Variants in NBEA observed in about 807,000 individuals in gnomAD.
NBEA encodes neurobeachin.
NBEA carries 44 observed loss-of-function variants against 343.4 expected under a neutral mutation model. The observed-to-expected ratio is 0.13, with a 90% CI of 0.10 to 0.16. The LOEUF is 0.16. Ranked by LOEUF, NBEA falls within the 10% of genes least tolerant of loss-of-function variation. The pLI, the probability that NBEA is intolerant of heterozygous loss-of-function variation, is 1.00. For synonymous variants in NBEA, 1,175 were observed against 1,238.7 expected (o/e 0.95, Z 1.08); for missense variants, 2,555 against 3,631.3 (o/e 0.70, Z 7.62).
intron 34 of NBEA, among the ~76,000 whole-genome samples, chr13:35,240,946 A>G (rs917208694): frequency 2.0e-5 from 3 of 151,792 alleles, no homozygotes; most frequent in Non-Finnish European, 4.4e-5. Flanking sequence ...AAATATTTTA[A>G]TGTTCTCTGG....
chr13:35,132,745 C>A (rs142324774), intron 17 of NBEA, among the ~76,000 whole-genome samples: 3,073 of 152,098 alleles, frequency 0.02, 98 homozygotes, highest in African/African-American at 0.066. Context: ...GAATTAACTG[C>A]CAGTGGGCAC....
chr13:35,408,576 G>T (rs2043403761), intron 38 of NBEA, among the ~76,000 whole-genome samples: 1 of 152,150 alleles, frequency 6.6e-6, no homozygotes, highest in Admixed American at 6.5e-5. Context: ...ACAACTTACA[G>T]AATGGAAGAA....
intron 41 of NBEA, among the ~76,000 whole-genome samples, chr13:35,547,065 T>A (rs1463295207): frequency 6.6e-6 from 1 of 152,224 alleles, no homozygotes; most frequent in Non-Finnish European, 1.5e-5. Context: ...AACATCGTCT[T>A]TCATCAGCCC....
At chr13:35,113,593 C>CTATCT (rs1236504016) in intron 13 of NBEA, among the ~76,000 whole-genome samples, 5 of 150,192 alleles carry the variant, frequency 3.3e-5, no homozygotes, top group Non-Finnish European at 7.4e-5. Flanking sequence ...ACTCATCTAT[C>CTATCT]TATCTATCTA....
chr13:35,104,762 G>A (rs1307152762), intron 11 of NBEA, among the ~76,000 whole-genome samples: 7 of 151,770 alleles, frequency 4.6e-5, no homozygotes, highest in Non-Finnish European at 1.0e-4. Flanking sequence ...ACTGTTCCAC[G>A]AAAAAATTTT....
intron 40 of NBEA, among the ~76,000 whole-genome samples, chr13:35,470,181 G>A (rs529645342): frequency 1.3e-5 from 2 of 152,288 alleles, no homozygotes; most frequent in East Asian, 1.9e-4. Context: ...AGACCAGTTC[G>A]AAGCCCTTTT....
chr13:35,302,404 G>A (rs2036614177), intron 35 of NBEA, among the ~76,000 whole-genome samples: 2 of 152,134 alleles, frequency 1.3e-5, no homozygotes, highest in East Asian at 3.9e-4. Context: ...TGTTCATGTA[G>A]TTAACAGACA....
rs77199171 is a variant in NBEA, at chr13:35,657,220, A to G, written c.8362+1471A>G. On this transcript the variant is annotated intron_variant, in intron 55 of 58. Transcript: ENST00000379939. Reference sequence around the variant, plus strand: ...AGTTTTATTCCTGTTGCCCATAGCTAGAGTTGAACAGTGGATGAAGAAACT... The same window carrying G: ...AGTTTTATTCCTGTTGCCCATAGCTGGAGTTGAACAGTGGATGAAGAAACT... 9.3e-3 allele frequency among the ~76,000 whole-genome samples: 1,422 copies of G among 152,344 alleles called. 19 individuals carry two copies. Among genetic ancestry groups the G allele is most frequent in the African/African-American group, 0.033 (1,357 of 41,590 alleles).
chr13:34,954,767 G>A (rs1176656923), intron 1 of NBEA, among the ~76,000 whole-genome samples: 2 of 152,118 alleles, frequency 1.3e-5, no homozygotes, highest in Admixed American at 6.5e-5. Flanking sequence ...ACCTAATGCA[G>A]TGTAAATGCT....
intron 50 of NBEA, 64 bp from the exon 51 acceptor site, chr13:35,646,195 A>T (rs1317880543): frequency 1.6e-6 from 2 of 1,253,682 alleles, no homozygotes; most frequent in African/African-American, 3.0e-5. Context: ...GCGTTGTCAA[A>T]GAGTGTGTTG....
chr13:35,607,573 T>C (rs1593352791), intron 48 of NBEA, among the ~76,000 whole-genome samples: 1 of 152,180 alleles, frequency 6.6e-6, no homozygotes, highest in Admixed American at 6.5e-5. Context: ...TTTCATTCAC[T>C]CCCAAGTTTT....
Position 34,943,128 on chromosome 13 carries a change from G to A in NBEA, c.294+14G>A. On this transcript the variant is annotated intron_variant, in intron 1 of 58. Coordinates refer to ENST00000379939, the MANE Select transcript of NBEA (RefSeq NM_001385012.1). The stretch of plus-strand genomic sequence containing the variant: ...GTGCTCAACCTGGTAAGGAAAAGGC[G>A]TGCTCTCAATCTGCTTCCCCAGTCC... 2 of 1,612,460 alleles carry A rather than the reference G, an allele frequency of 1.2e-6. No individual in the cohort carries two copies. Among genetic ancestry groups the A allele is most frequent in the South Asian group, 1.1e-5 (1 of 91,052 alleles).
chr13:35,315,855 C>G (rs2037678528), intron 36 of NBEA, among the ~76,000 whole-genome samples: 1 of 151,900 alleles, frequency 6.6e-6, no homozygotes, highest in Admixed American at 6.6e-5. Flanking sequence ...ATATTTTAAC[C>G]AACAAGCATT....
intron 34 of NBEA, among the ~76,000 whole-genome samples, chr13:35,274,681 C>A (rs1287395798): frequency 1.3e-5 from 2 of 152,174 alleles, no homozygotes; most frequent in South Asian, 2.1e-4. Context: ...GGTACAAAAT[C>A]AATGTGCAAA....
intron 1 of NBEA, among the ~76,000 whole-genome samples, chr13:34,943,634 C>CATCT: frequency 6.6e-6 from 1 of 152,292 alleles, no homozygotes; most frequent in East Asian, 1.9e-4. Flanking sequence ...TGCAGTTTTG[C>CATCT]ATCTGTCTTT....
At chr13:35,131,475 T>A (rs1333722602) in intron 17 of NBEA, among the ~76,000 whole-genome samples, 1 of 152,092 alleles carries the variant, frequency 6.6e-6, no homozygotes, top group Non-Finnish European at 1.5e-5. Context: ...GTGCAAAAAA[T>A]TTTCATAAAA....
chr13:35,323,516 G>A (rs2038318162), intron 36 of NBEA, among the ~76,000 whole-genome samples: 2 of 146,564 alleles, frequency 1.4e-5, no homozygotes, highest in South Asian at 2.2e-4. Flanking sequence ...ATTGAACAAT[G>A]AGAACACATG....
At chr13:34,980,005 T>C (rs1232174097) in intron 1 of NBEA, among the ~76,000 whole-genome samples, 1 of 152,196 alleles carries the variant, frequency 6.6e-6, no homozygotes, top group Non-Finnish European at 1.5e-5. Flanking sequence ...TTGAAGAAAG[T>C]TGAATGATGT....
chr13:35,187,104 A>G (rs1476643582), intron 30 of NBEA, among the ~76,000 whole-genome samples: 1 of 152,034 alleles, frequency 6.6e-6, no homozygotes, highest in Non-Finnish European at 1.5e-5. Context: ...TGGTAAATAA[A>G]ATTTCATATT....
Sources: gnomAD v4.1 joint callset for allele counts (sites outside exome capture counted in the v4.1 genomes callset) on GRCh38, gnomAD v4.1.1 for gene constraint, MANE v1.5 for transcripts, NCBI Gene and HGNC (gene_info 2026-07-23, HGNC 2026-07-21) for gene names.